Variants in CTCF observed in about 807,000 individuals in gnomAD.
CTCF encodes the protein transcriptional repressor CTCF.
A neutral mutation model predicts 72.3 loss-of-function variants in CTCF; 7 were observed. The observed-to-expected ratio is 0.10, with a 90% CI of 0.06 to 0.18. The LOEUF (loss-of-function observed/expected upper bound fraction) is 0.18. CTCF is among the 10% of genes least tolerant of loss of function. The probability of loss-of-function intolerance (pLI) is 1.00; values close to 1 mark genes in which losing one functional copy is unlikely to be tolerated. For missense variants in CTCF, 516 were observed against 949.1 expected (o/e 0.54, Z 6.00); for synonymous variants, 374 against 315.8 (o/e 1.18, Z -1.95).
chr16:67,599,817 T>C (rs1249541393), intron 2 of CTCF, among the ~76,000 whole-genome samples: 1 of 152,208 alleles, frequency 6.6e-6, no homozygotes, highest in Non-Finnish European at 1.5e-5. Flanking sequence ...CTGGAGTTTC[T>C]GTTTATTCCC....
intron 2 of CTCF, among the ~76,000 whole-genome samples, chr16:67,581,947 G>T (rs944747439): frequency 6.6e-6 from 1 of 152,088 alleles, no homozygotes; most frequent in Non-Finnish European, 1.5e-5. Flanking sequence ...TTGTTGGCCG[G>T]GTGCAGTGGC....
chr16:67,611,744 C>A, intron 3 of CTCF, 131 bp downstream of exon 3: 1 of 1,046,526 alleles, frequency 9.6e-7, no homozygotes, highest in Non-Finnish European at 1.4e-6. Flanking sequence ...TTCTTTAAAA[C>A]CAGTCTAAAA....
intron 1 of CTCF, among the ~76,000 whole-genome samples, chr16:67,570,504 C>T (rs1184670465): frequency 2.0e-5 from 3 of 149,226 alleles, no homozygotes; most frequent in Admixed American, 6.7e-5. Flanking sequence ...GCTGGAGTGC[C>T]GTGGTGCGAT....
At chr16:67,578,325 C>CTTTTTTTTTTTT (rs944395345) in intron 2 of CTCF, among the ~76,000 whole-genome samples, 3 of 84,480 alleles carry the variant, frequency 3.6e-5, no homozygotes, top group Non-Finnish European at 4.4e-5. Context: ...GTTTATGTAT[C>CTTTTTTTTTTTT]TTTTTTTTTT....
intron 4 of CTCF, among the ~76,000 whole-genome samples, chr16:67,613,092 C>T (rs531440346): frequency 6.6e-6 from 1 of 152,330 alleles, no homozygotes; most frequent in African/African-American, 2.4e-5. Flanking sequence ...CTGATATTAG[C>T]TTCATGTTGG....
intron 1 of CTCF, among the ~76,000 whole-genome samples, chr16:67,565,494 G>A (rs1017562382): frequency 6.6e-6 from 1 of 151,790 alleles, no homozygotes; most frequent in African/African-American, 2.4e-5. Context: ...CTAACACAGT[G>A]AAACCCTGTC....
chr16:67,573,898 G>A (rs900989905), intron 2 of CTCF, among the ~76,000 whole-genome samples: 1 of 152,064 alleles, frequency 6.6e-6, no homozygotes, highest in Non-Finnish European at 1.5e-5. Flanking sequence ...GGGCGTTGTG[G>A]TGCGTGCCTG....
intron 2 of CTCF, among the ~76,000 whole-genome samples, chr16:67,608,641 G>A (rs997045691): frequency 6.6e-6 from 1 of 152,054 alleles, no homozygotes; most frequent in African/African-American, 2.4e-5. Flanking sequence ...TAATCGTATA[G>A]CATTATGCAC....
intron 2 of CTCF, among the ~76,000 whole-genome samples, chr16:67,588,212 C>T (rs975049009): frequency 3.9e-5 from 6 of 152,176 alleles, no homozygotes; most frequent in Non-Finnish European, 5.9e-5. Flanking sequence ...ATTGCTCAGG[C>T]AGCATCTGTC....
chr16:67,613,129 A>G (rs2052083134), intron 4 of CTCF, among the ~76,000 whole-genome samples: 1 of 152,226 alleles, frequency 6.6e-6, no homozygotes, highest in South Asian at 2.1e-4. Context: ...TGAGGTCTCT[A>G]AAGTAGAGGG....
At chr16:67,608,841 G>A (rs148481352) in intron 2 of CTCF, among the ~76,000 whole-genome samples, 1 of 151,730 alleles carries the variant, frequency 6.6e-6, no homozygotes, top group African/African-American at 2.4e-5. Flanking sequence ...CGGGTCAAAC[G>A]ATTCTCCTGC....
intron 2 of CTCF, among the ~76,000 whole-genome samples, chr16:67,591,309 T>C (rs2051741044): frequency 6.6e-6 from 1 of 152,012 alleles, no homozygotes; most frequent in Non-Finnish European, 1.5e-5. Context: ...AAATGAAAAT[T>C]AATGTCAGAG....
intron 7 of CTCF, among the ~76,000 whole-genome samples, chr16:67,624,403 C>T (rs2142857521): frequency 6.6e-6 from 1 of 152,108 alleles, no homozygotes; most frequent in Non-Finnish European, 1.5e-5. Context: ...CACTCTTCTT[C>T]CTAAGAGATG....
At position 67,637,925 on chromosome 16, in the gene CTCF, C is replaced by T. The variant is rs149059545; in HGVS notation, c.*53C>T. The T allele has an allele frequency of 7.6e-3, 10,635 of 1,392,354 alleles. 54 individuals carry two copies. The highest frequency in any genetic ancestry group is 9.4e-3 in the Non-Finnish European group (9,827 of 1,046,702). 86.2% of individuals were successfully genotyped at this position (1,392,354 alleles called of 1,614,324 possible). A position where few individuals can be genotyped will look rare whatever the true frequency, so the allele number is the denominator to read the frequency against. ...TTCTCTGGGCTGTGTTTAAACGGCC[C>T]GCATCTTAATTTTTCTCCCTTCTTT... On this transcript the variant is annotated 3_prime_UTR_variant, in exon 12 of 12. Transcript: ENST00000264010.
chr16:67,589,437 G>A (rs1167452763), intron 2 of CTCF, among the ~76,000 whole-genome samples: 2 of 152,112 alleles, frequency 1.3e-5, no homozygotes, highest in East Asian at 3.9e-4. Flanking sequence ...CACCTGTTCT[G>A]TAGTTTGTCA....
chr16:67,630,068 G>A (rs772998917), intron 10 of CTCF, among the ~76,000 whole-genome samples: 7 of 151,726 alleles, frequency 4.6e-5, no homozygotes, highest in Admixed American at 1.3e-4. Flanking sequence ...GAGCCACTGC[G>A]CCCGGCCATT....
At position 67,638,677 on chromosome 16, in the gene CTCF, A is replaced by G. The variant is rs2052465911; in HGVS notation, c.*805A>G. 4.3e-6 allele frequency: 1 copy of G among 230,246 alleles called. No homozygotes were observed. Among genetic ancestry groups the G allele is most frequent in the African/African-American group, 2.2e-5 (1 of 45,122 alleles). 14.3% of individuals were successfully genotyped at this position (230,246 alleles called of 1,614,324 possible). ...CGGAGCCAGCATTTGAACCTTGTATAATTAACTTTCAGTTATGATTTCCCA... is the reference window on the plus strand; with the variant it reads ...CGGAGCCAGCATTTGAACCTTGTATGATTAACTTTCAGTTATGATTTCCCA... On this transcript the variant is annotated 3_prime_UTR_variant, in exon 12 of 12. Transcript: ENST00000264010.
intron 1 of CTCF, among the ~76,000 whole-genome samples, chr16:67,565,463 A>G (rs2051331166): frequency 6.6e-6 from 1 of 152,050 alleles, no homozygotes. Flanking sequence ...TCACGAGGTC[A>G]GGAGATTGAG....
intron 2 of CTCF, among the ~76,000 whole-genome samples, chr16:67,594,434 T>A (rs1234678533): frequency 6.6e-6 from 1 of 151,136 alleles, no homozygotes; most frequent in African/African-American, 2.4e-5. Flanking sequence ...TTGCAGTGGC[T>A]CATGCCTATA....
Sources: gnomAD v4.1 joint callset for allele counts (sites outside exome capture counted in the v4.1 genomes callset) on GRCh38, gnomAD v4.1.1 for gene constraint, MANE v1.5 for transcripts, NCBI Gene and HGNC (gene_info 2026-07-23, HGNC 2026-07-21) for gene names.